The following AGBL1 variants were observed in gnomAD, a reference collection of about 807,000 sequenced individuals.
AGBL1 encodes AGBL carboxypeptidase 1.
In AGBL1, 130 loss-of-function variants were observed where a neutral mutation model predicts 118.9. The observed-to-expected ratio is 1.09, with a 90% confidence interval of 0.95 to 1.26. The LOEUF (loss-of-function observed/expected upper bound fraction) is 1.26, where lower values mean the gene tolerates loss of function less well. AGBL1 is among the 50% of genes most tolerant of loss of function. The pLI is 0.00. For missense variants in AGBL1, 1,584 were observed against 1,298.1 expected (o/e 1.22, Z -3.38); for synonymous variants, 555 against 478.9 (o/e 1.16, Z -2.08).
intron 22 of AGBL1, among the ~76,000 whole-genome samples, chr15:86,713,855 C>T (rs900171381): frequency 2.6e-5 from 4 of 151,932 alleles, no homozygotes; most frequent in Admixed American, 6.6e-5. Flanking sequence ...AGAGCTGTAA[C>T]GTAGACTTGG....
At chr15:86,995,069 G>GTAGA (rs1215495098) in intron 24 of AGBL1, among the ~76,000 whole-genome samples, 3 of 152,118 alleles carry the variant, frequency 2.0e-5, no homozygotes, top group African/African-American at 7.2e-5. Context: ...GTCCTATGTG[G>GTAGA]TAGATAGTAA....
At chr15:86,750,965 T>A (rs1421245567) in intron 22 of AGBL1, among the ~76,000 whole-genome samples, 1 of 152,100 alleles carries the variant, frequency 6.6e-6, no homozygotes, top group Non-Finnish European at 1.5e-5. Context: ...GTAAAGGACA[T>A]GATCTCATTC....
At chr15:86,393,589 C>T (rs149117291) in intron 17 of AGBL1, among the ~76,000 whole-genome samples, 12 of 152,236 alleles carry the variant, frequency 7.9e-5, no homozygotes, top group Middle Eastern at 3.4e-3. Flanking sequence ...TTGGAAAAAG[C>T]GAAACCAACT....
Position 86,981,611 on chromosome 15 carries a change from T to G in AGBL1, c.3222-6376T>G, listed in dbSNP as rs1030758337. Reference sequence around the variant, plus strand: ...CCTTTGACATAGATTTTGATTGTTTTTCGTCACAGAAATGCAGAATACTTT... The same window carrying G: ...CCTTTGACATAGATTTTGATTGTTTGTCGTCACAGAAATGCAGAATACTTT... On this transcript the variant is annotated intron_variant, in intron 23 of 24. Transcript: ENST00000441037. 2.0e-5 allele frequency among the ~76,000 whole-genome samples: 3 copies of G among 152,234 alleles called. No homozygotes were observed. The East Asian group carries it at 5.8e-4, about 29-fold the overall frequency.
chr15:86,689,046 A>G (rs1021477223), intron 22 of AGBL1, among the ~76,000 whole-genome samples: 4 of 152,124 alleles, frequency 2.6e-5, no homozygotes, highest in African/African-American at 7.2e-5. Flanking sequence ...ATTTCATTTT[A>G]CTTTTATATG....
intron 18 of AGBL1, among the ~76,000 whole-genome samples, chr15:86,478,112 C>T (rs1226552090): frequency 5.9e-5 from 9 of 152,100 alleles, no homozygotes; most frequent in African/African-American, 4.8e-5. Context: ...ATGACAAACC[C>T]ACAGCCAATA....
At chr15:86,470,887 T>C (rs1203955005) in intron 18 of AGBL1, among the ~76,000 whole-genome samples, 1 of 152,184 alleles carries the variant, frequency 6.6e-6, no homozygotes, top group Non-Finnish European at 1.5e-5. Flanking sequence ...TCTTGCAGCA[T>C]TACTGAATTT....
intron 7 of AGBL1, among the ~76,000 whole-genome samples, chr15:86,249,181 T>A (rs1414992314): frequency 6.6e-6 from 1 of 152,040 alleles, no homozygotes; most frequent in Non-Finnish European, 1.5e-5. Context: ...TCACCCACCT[T>A]CTCCTGGGGC....
chr15:86,555,401 C>T (rs1235523769), intron 21 of AGBL1, among the ~76,000 whole-genome samples: 1 of 152,178 alleles, frequency 6.6e-6, no homozygotes, highest in Non-Finnish European at 1.5e-5. Context: ...CAATCCTGAG[C>T]TTGTAGAAAT....
intron 17 of AGBL1, among the ~76,000 whole-genome samples, chr15:86,306,246 T>TA (rs1197541318): frequency 6.6e-6 from 1 of 152,104 alleles, no homozygotes; most frequent in Non-Finnish European, 1.5e-5. Flanking sequence ...GGCTATCAAA[T>TA]AGTAGGTCTT....
chr15:86,519,642 C>G (rs1473437353), intron 18 of AGBL1, among the ~76,000 whole-genome samples: 1 of 152,178 alleles, frequency 6.6e-6, no homozygotes, highest in African/African-American at 2.4e-5. Context: ...TGCCAAAGCC[C>G]TAGTCACACA....
At chr15:86,498,483 A>T (rs947552059) in intron 18 of AGBL1, among the ~76,000 whole-genome samples, 5 of 151,892 alleles carry the variant, frequency 3.3e-5, no homozygotes, top group African/African-American at 1.2e-4. Flanking sequence ...TTTGAACCAG[A>T]TGTTCACTAT....
chr15:86,768,097 C>A (rs1332715809), intron 22 of AGBL1, among the ~76,000 whole-genome samples: 1 of 151,938 alleles, frequency 6.6e-6, no homozygotes, highest in African/African-American at 2.4e-5. Context: ...TATCCTCAAT[C>A]ATTGCTCCAC....
intron 18 of AGBL1, among the ~76,000 whole-genome samples, chr15:86,498,475 T>G (rs892848722): frequency 2.0e-5 from 3 of 151,968 alleles, no homozygotes; most frequent in African/African-American, 7.2e-5. Context: ...GCAAGAAATT[T>G]GAACCAGATG....
chr15:87,022,944 G>A (rs2081681082), intron 24 of AGBL1, among the ~76,000 whole-genome samples: 1 of 151,902 alleles, frequency 6.6e-6, no homozygotes, highest in African/African-American at 2.4e-5. Context: ...ACCACTACAA[G>A]AACTGCTTTT....
intron 1 of AGBL1, among the ~76,000 whole-genome samples, chr15:86,141,180 C>G (rs28634030): frequency 0.044 from 6,708 of 152,244 alleles, 483 homozygotes; most frequent in African/African-American, 0.15. Flanking sequence ...TCAGGGTTCT[C>G]TTCTGTATAA....
chr15:86,100,710 T>C (rs141691008), intron 1 of AGBL1, among the ~76,000 whole-genome samples: 108 of 152,178 alleles, frequency 7.1e-4, no homozygotes, highest in African/African-American at 2.4e-3. Flanking sequence ...TTGTAATAGC[T>C]TTTTTGTTGT....
intron 22 of AGBL1, among the ~76,000 whole-genome samples, chr15:86,820,569 A>T (rs1041325081): frequency 2.6e-5 from 4 of 151,970 alleles, no homozygotes; most frequent in Admixed American, 6.5e-5. Context: ...GCCAAGAAAC[A>T]TATGAAAAAA....
intron 17 of AGBL1, among the ~76,000 whole-genome samples, chr15:86,312,994 G>A (rs2079943036): frequency 6.6e-6 from 1 of 152,230 alleles, no homozygotes; most frequent in Non-Finnish European, 1.5e-5. Context: ...TGTAAATAAT[G>A]AGTGATTCTA....
Sources: allele counts gnomAD v4.1 joint callset (sites outside exome capture counted in the v4.1 genomes callset), GRCh38; gene constraint gnomAD v4.1.1; transcripts MANE v1.5; gene names NCBI Gene and HGNC (gene_info 2026-07-23, HGNC 2026-07-21).